The following STXBP6 variants were observed in gnomAD, a reference collection of about 807,000 sequenced individuals.
STXBP6 encodes the protein syntaxin-binding protein 6.
STXBP6 carries 21 observed loss-of-function variants against 26.9 expected under a neutral mutation model. The observed-to-expected ratio is 0.78, with a 90% confidence interval of 0.55 to 1.12. STXBP6 has a LOEUF of 1.12. Among genes scored for constraint, STXBP6 ranks in the 50% most tolerant of loss-of-function variants. The pLI is 0.00. For missense variants in STXBP6, 232 were observed against 257.9 expected, an observed-to-expected ratio of 0.90 and a Z score of 0.69; for synonymous variants, 97 against 92.6, an observed-to-expected ratio of 1.05 and a Z score of -0.27.
chr14:24,822,990 A>G (rs550162581), intron 4 of STXBP6, among the ~76,000 whole-genome samples: 1 of 152,186 alleles, frequency 6.6e-6, no homozygotes, highest in Non-Finnish European at 1.5e-5. Flanking sequence ...GGCCAACAGC[A>G]TAGTAATTCT....
chr14:24,945,140 T>TTTTTTTTC (rs1491391621), intron 2 of STXBP6, among the ~76,000 whole-genome samples: 1 of 46,400 alleles, frequency 2.2e-5, no homozygotes, highest in Admixed American at 2.0e-4. Context: ...CAATTAGGAA[T>TTTTTTTTC]TTTTTTTTTT....
At chr14:24,998,478 A>C (rs2074665863) in intron 1 of STXBP6, among the ~76,000 whole-genome samples, 1 of 152,204 alleles carries the variant, frequency 6.6e-6, no homozygotes, top group Non-Finnish European at 1.5e-5. Flanking sequence ...AGCTGGAGAA[A>C]TCTCAGATCA....
chr14:24,833,826 C>CA (rs1180328421), intron 4 of STXBP6, among the ~76,000 whole-genome samples: 1 of 151,992 alleles, frequency 6.6e-6, no homozygotes, highest in East Asian at 1.9e-4. Context: ...CCACTATTTC[C>CA]AAAATTGTTA....
rs575556988 is a variant in STXBP6 at position 24,817,870 on chromosome 14, C to T, written c.609+1167G>A. 1.4e-4 allele frequency: 49 copies of T among 357,738 alleles called. 1 individual carries two copies. The highest frequency in any genetic ancestry group is 6.1e-4 in the South Asian group (29 of 47,490). The allele number at this position is 357,738 out of a possible 1,614,324, so 22.2% of individuals were successfully genotyped here. A position where few individuals can be genotyped will look rare whatever the true frequency, so the allele number is the denominator to read the frequency against. ...GCAACAGTGCAGTAAGACCCTGTCA[C>T]GACAGAGAATGAATGAGATGACAAG... On this transcript the variant is annotated intron_variant, in intron 5 of 5. Transcript: ENST00000323944.
chr14:25,043,780 CCTTT>C (rs2075679702), intron 1 of STXBP6, among the ~76,000 whole-genome samples: 1 of 152,144 alleles, frequency 6.6e-6, no homozygotes, highest in Non-Finnish European at 1.5e-5. Flanking sequence ...ACATTTTGTT[CCTTT>C]CTATGTTTGA....
intron 1 of STXBP6, among the ~76,000 whole-genome samples, chr14:25,007,820 G>A (rs2074937793): frequency 6.6e-6 from 1 of 152,160 alleles, no homozygotes; most frequent in South Asian, 2.1e-4. Context: ...CTCAAAAGGA[G>A]GTCTCACAGA....
chr14:24,889,583 G>C (rs1217819126), intron 2 of STXBP6, among the ~76,000 whole-genome samples: 1 of 143,346 alleles, frequency 7.0e-6, no homozygotes, highest in Non-Finnish European at 1.5e-5. Flanking sequence ...AATAAAAAAA[G>C]AAAAAAAAAG....
At chr14:25,033,970 C>T (rs1440410495) in intron 1 of STXBP6, among the ~76,000 whole-genome samples, 1 of 152,214 alleles carries the variant, frequency 6.6e-6, no homozygotes, top group Admixed American at 6.5e-5. Context: ...CCAGGAATTT[C>T]CTGGGGTCCC....
chr14:25,029,187 T>C (rs976075300), intron 1 of STXBP6, among the ~76,000 whole-genome samples: 2 of 152,124 alleles, frequency 1.3e-5, no homozygotes, highest in Admixed American at 1.3e-4. Flanking sequence ...GTGGGTAAAA[T>C]GCTAACAAAC....
chr14:25,030,480 A>T (rs2075432711), intron 1 of STXBP6, among the ~76,000 whole-genome samples: 1 of 152,198 alleles, frequency 6.6e-6, no homozygotes, highest in African/African-American at 2.4e-5. Context: ...CATGACTCTA[A>T]GACCTTGAGT....
intron 1 of STXBP6, among the ~76,000 whole-genome samples, chr14:24,984,591 C>T (rs998737422): frequency 6.6e-5 from 10 of 152,158 alleles, no homozygotes; most frequent in Non-Finnish European, 1.5e-4. Context: ...CTTATCTGAT[C>T]TCCCCAAGGG....
At chr14:24,996,574 T>A (rs1276573165) in intron 1 of STXBP6, among the ~76,000 whole-genome samples, 9 of 150,818 alleles carry the variant, frequency 6.0e-5, no homozygotes, top group African/African-American at 1.9e-4. Flanking sequence ...AAAATAAAAT[T>A]AAAAAAAAGG....
intron 1 of STXBP6, among the ~76,000 whole-genome samples, chr14:25,036,875 AG>A (rs1365057325): frequency 1.5e-4 from 22 of 151,444 alleles, no homozygotes; most frequent in African/African-American, 4.8e-4. Flanking sequence ...AAAAAAAAAA[AG>A]AAATCAGCTA....
chr14:24,915,419 A>C (rs1483525200), intron 2 of STXBP6, among the ~76,000 whole-genome samples: 1 of 152,118 alleles, frequency 6.6e-6, no homozygotes, highest in Admixed American at 6.6e-5. Flanking sequence ...CATTGGCATT[A>C]CTATTACTAT....
chr14:24,971,890 C>T (rs769578910), intron 2 of STXBP6, among the ~76,000 whole-genome samples: 7 of 152,132 alleles, frequency 4.6e-5, no homozygotes, highest in East Asian at 1.9e-4. Flanking sequence ...CTTTTCATAG[C>T]GGTACCCACG....
At chr14:24,913,035 C>T (rs988556437) in intron 2 of STXBP6, among the ~76,000 whole-genome samples, 1 of 152,158 alleles carries the variant, frequency 6.6e-6, no homozygotes, top group Non-Finnish European at 1.5e-5. Context: ...AATCTTAATG[C>T]TGCAAACACC....
intron 2 of STXBP6, among the ~76,000 whole-genome samples, chr14:24,859,082 G>T (rs2069442851): frequency 1.3e-5 from 2 of 152,126 alleles, no homozygotes; most frequent in Non-Finnish European, 2.9e-5. Flanking sequence ...TATATTGCGG[G>T]CATGTTTTAA....
At chr14:24,939,918 C>T (rs929848036) in intron 2 of STXBP6, among the ~76,000 whole-genome samples, 3 of 152,132 alleles carry the variant, frequency 2.0e-5, no homozygotes, top group Non-Finnish European at 4.4e-5. Flanking sequence ...CTGTACTGGA[C>T]AGCACTTTAC....
intron 1 of STXBP6, among the ~76,000 whole-genome samples, chr14:24,995,472 G>A (rs184763247): frequency 4.4e-4 from 67 of 152,112 alleles, no homozygotes; most frequent in Admixed American, 9.8e-4. Context: ...AAATGAGAAT[G>A]TATAGATTAA....
Sources: allele counts gnomAD v4.1 joint callset (sites outside exome capture counted in the v4.1 genomes callset), GRCh38; gene constraint gnomAD v4.1.1; transcripts MANE v1.5; gene names NCBI Gene and HGNC (gene_info 2026-07-23, HGNC 2026-07-21).